The following NUP93 variants were observed in gnomAD, a reference collection of about 807,000 sequenced individuals.
The protein encoded by NUP93 is nucleoporin 93, also known as nuclear pore complex protein Nup93.
A neutral mutation model predicts 107.8 loss-of-function variants in NUP93; 55 were observed. That is an observed-to-expected ratio of 0.51 (90% CI 0.41 to 0.64). The LOEUF is 0.64. NUP93 is among the 30% of genes least tolerant of loss of function. The pLI, the probability that NUP93 is intolerant of heterozygous loss-of-function variation, is 0.00. For synonymous variants in NUP93, 390 were observed against 397.5 expected, an observed-to-expected ratio of 0.98 and a Z score of 0.22; for missense variants, 937 against 1,044.7, an observed-to-expected ratio of 0.90 and a Z score of 1.42.
At chr16:56,821,425 G>A (rs556813351) in intron 6 of NUP93, 79 bp from the exon 7 acceptor site, 165 of 969,572 alleles carry the variant, frequency 1.7e-4, no homozygotes, top group Non-Finnish European at 2.0e-4. Flanking sequence ...AGCTTCTGCC[G>A]GCCATTGCCT....
intron 1 of NUP93, among the ~76,000 whole-genome samples, chr16:56,745,064 G>T (rs1223882930): frequency 2.6e-5 from 4 of 152,164 alleles, no homozygotes. Context: ...TTATATTCTC[G>T]CAGAGGTGAC....
intron 2 of NUP93, among the ~76,000 whole-genome samples, chr16:56,750,963 A>G (rs1041404908): frequency 1.3e-5 from 2 of 152,150 alleles, no homozygotes; most frequent in African/African-American, 4.8e-5. Flanking sequence ...GTTCAAGACC[A>G]GCCTGGACAA....
intron 5 of NUP93, among the ~76,000 whole-genome samples, chr16:56,812,250 C>T (rs1477521119): frequency 6.6e-6 from 1 of 152,152 alleles, no homozygotes; most frequent in Non-Finnish European, 1.5e-5. Context: ...ATAGTGGTTT[C>T]TGAAACATGT....
At chr16:56,835,742 G>GT (rs1353027548) in intron 16 of NUP93, among the ~76,000 whole-genome samples, 1 of 152,186 alleles carries the variant, frequency 6.6e-6, no homozygotes, top group African/African-American at 2.4e-5. Context: ...TTATGCACTT[G>GT]CCTTCATTCT....
rs557172949 is a variant in NUP93, at chr16:56,777,606, G to A, written c.297+18951G>A. Reference sequence around the variant, plus strand: ...TAGCAGAATTGCTTCTTCATTCTCAGCTAATTAGTAAGGACAGATGAGCTG... The same window carrying A: ...TAGCAGAATTGCTTCTTCATTCTCAACTAATTAGTAAGGACAGATGAGCTG... On this transcript the variant is annotated intron_variant, in intron 3 of 21. Transcript: ENST00000308159. 3.0e-4 allele frequency among the ~76,000 whole-genome samples: 46 copies of A among 152,258 alleles called. 1 individual carries two copies. In the South Asian group the frequency reaches 9.3e-3, roughly 31 times the overall value.
chr16:56,744,079 T>C (rs1961781969), intron 1 of NUP93, among the ~76,000 whole-genome samples: 1 of 152,172 alleles, frequency 6.6e-6, no homozygotes, highest in African/African-American at 2.4e-5. Flanking sequence ...TTGTGCTGCA[T>C]TGACTGCTCC....
chr16:56,834,123 T>C lies in NUP93; in HGVS notation c.1538-5T>C. ...TTGTGACCCATTCTGACCCCCACAATGCAGTCAGCCACGAGCCTGGTGACC... is the reference window on the plus strand; with the variant it reads ...TTGTGACCCATTCTGACCCCCACAACGCAGTCAGCCACGAGCCTGGTGACC... On this transcript the variant is annotated splice_region_variant and splice_polypyrimidine_tract_variant and intron_variant, in intron 13 of 21. Transcript: ENST00000308159. The C allele has an allele frequency of 6.2e-7, 1 of 1,614,050 alleles. No individual in the cohort carries two copies. The highest frequency in any genetic ancestry group is 8.5e-7 in the Non-Finnish European group (1 of 1,179,992).
At chr16:56,807,187 G>A (rs1375421981) in intron 5 of NUP93, among the ~76,000 whole-genome samples, 2 of 152,168 alleles carry the variant, frequency 1.3e-5, no homozygotes, top group Non-Finnish European at 2.9e-5. Context: ...AAACCTGGTA[G>A]CCCTGCTTCT....
chr16:56,849,892 G>T lies in NUP93; in HGVS notation c.*5283G>T, dbSNP rs1418878898. The T allele has an allele frequency of 1.3e-5, 2 of 151,360 alleles. No homozygotes were observed. Among genetic ancestry groups the T allele is most frequent in the African/African-American group, 4.9e-5 (2 of 40,654 alleles). The allele number at this position is 151,360 out of a possible 1,614,324, so 9.4% of individuals were successfully genotyped here. A position where few individuals can be genotyped will look rare whatever the true frequency, so the allele number is the denominator to read the frequency against. ...GAGATACGCAGTTTTGAAGAGCTAG[G>T]CAGGCAGCTGAGCGGGATAATGTGG... is the stretch of plus-strand genomic sequence containing the variant. On this transcript the variant is annotated 3_prime_UTR_variant, in exon 22 of 22. Transcript: ENST00000308159.
At chr16:56,747,488 G>T (rs1362105091) in intron 1 of NUP93, among the ~76,000 whole-genome samples, 21 of 152,172 alleles carry the variant, frequency 1.4e-4, no homozygotes, top group African/African-American at 4.3e-4. Context: ...AGCAGGCACA[G>T]ATCTGTGCTC....
intron 3 of NUP93, among the ~76,000 whole-genome samples, chr16:56,794,725 G>A (rs1344231930): frequency 4.6e-5 from 7 of 151,734 alleles, no homozygotes; most frequent in South Asian, 2.1e-4. Flanking sequence ...TCAGGAGATC[G>A]AGACCATCCT....
intron 8 of NUP93, among the ~76,000 whole-genome samples, chr16:56,827,210 T>TA (rs1181722140): frequency 1.3e-5 from 2 of 152,192 alleles, no homozygotes; most frequent in African/African-American, 4.8e-5. Flanking sequence ...AGAAAGTTAT[T>TA]ACATTAACCA....
In NUP93 at chr16:56,850,123, G is replaced by A. The variant is rs1476551199; in HGVS notation, c.*5514G>A. The A allele has an allele frequency of 2.0e-5, 3 of 151,906 alleles. No homozygotes were observed. The highest frequency in any genetic ancestry group is 2.9e-5 in the Non-Finnish European group (2 of 68,010). The allele number at this position is 151,906 out of a possible 1,614,324, so 9.4% of individuals were successfully genotyped here. A position where few individuals can be genotyped will look rare whatever the true frequency, so the allele number is the denominator to read the frequency against. ...CCTTTTTTTCTTTTTTGCTTTTCTC[G>A]AGTCACTCTGTGTGGTGCTTGTGGG... On this transcript the variant is annotated 3_prime_UTR_variant, in exon 22 of 22. Coordinates refer to ENST00000308159, the MANE Select transcript of NUP93 (RefSeq NM_014669.5).
intron 3 of NUP93, among the ~76,000 whole-genome samples, chr16:56,763,489 TGTGTGTGTGGGTGG>T (rs1297742921): frequency 6.6e-6 from 1 of 151,460 alleles, no homozygotes; most frequent in African/African-American, 2.4e-5. Context: ...TGCTTGTGTG[TGTGTGTGTGGGTGG>T]GTGTGTGTGT....
intron 20 of NUP93, 32 bp downstream of exon 20, chr16:56,839,636 C>A (rs1227522827): frequency 6.5e-7 from 1 of 1,532,308 alleles, no homozygotes; most frequent in Non-Finnish European, 9.0e-7. Context: ...TGTGGAATTC[C>A]TTTTTCCCCA....
Position 56,834,128 on chromosome 16 carries a change from T to G in NUP93, c.1538T>G (p.Leu513Arg). ...LKSSGQSAQL[L>R]SHEPGDPPCL... ...ACCCATTCTGACCCCCACAATGCAGTCAGCCACGAGCCTGGTGACCCTCCT... is the reference window on the plus strand; with the variant it reads ...ACCCATTCTGACCCCCACAATGCAGGCAGCCACGAGCCTGGTGACCCTCCT... Residue 513 changes from leucine to arginine, a missense_variant and splice_region_variant, in exon 14 of 22, where the codon CTC (leucine) becomes CGC (arginine). Leu to Arg is a moderately radical substitution (Grantham distance 102, BLOSUM62 -2). Coordinates refer to ENST00000308159, the MANE Select transcript of NUP93 (RefSeq NM_014669.5). 6.2e-7 allele frequency: 1 copy of G among 1,614,074 alleles called. No individual in the cohort carries two copies. Among genetic ancestry groups the G allele is most frequent in the Non-Finnish European group, 8.5e-7 (1 of 1,180,010 alleles).
chr16:56,841,637 T>A (rs1446297007), intron 20 of NUP93, 68 bp from the exon 21 acceptor site: 4 of 1,581,610 alleles, frequency 2.5e-6, no homozygotes, highest in African/African-American at 1.3e-5. Flanking sequence ...CAGCCCACCC[T>A]CCCTCCATCT....
chr16:56,737,935 A>G (rs559522315), intron 1 of NUP93, among the ~76,000 whole-genome samples: 2 of 152,332 alleles, frequency 1.3e-5, no homozygotes, highest in South Asian at 4.1e-4. Context: ...TGGTTTAGAG[A>G]GAAGAGCCAG....
Position 56,837,607 on chromosome 16 carries a change from G to C in NUP93, c.1900-1G>C. On this transcript the variant is annotated splice_acceptor_variant, in intron 17 of 21. Transcript: ENST00000308159. LOFTEE classifies it high-confidence loss of function. ...TTCCTTAATTTTAAAAACTTGAGCA[G>C]AATGCTGACAAGGTACTGGAGCTGA... 1 of 1,612,098 alleles carries C rather than the reference G, an allele frequency of 6.2e-7. No homozygotes were observed.
Sources: gnomAD v4.1 joint callset for allele counts (sites outside exome capture counted in the v4.1 genomes callset) on GRCh38, gnomAD v4.1.1 for gene constraint, MANE v1.5 for transcripts, NCBI Gene and HGNC (gene_info 2026-07-23, HGNC 2026-07-21) for gene names.